Variants in ALG12 observed in about 807,000 individuals in gnomAD.
ALG12 encodes ALG12 alpha-1,6-mannosyltransferase, also known as dol-P-Man:Man(7)GlcNAc(2)-PP-Dol alpha-1,6-mannosyltransferase.
ALG12 carries 36 observed loss-of-function variants against 46.0 expected under a neutral mutation model. That is an observed-to-expected ratio of 0.78 (90% confidence interval 0.60 to 1.03). ALG12 has a LOEUF of 1.03. Among genes scored for constraint, ALG12 ranks in the 50% least tolerant of loss-of-function variants. ALG12 has a pLI of 0.00. For missense variants in ALG12, 599 were observed against 633.5 expected (o/e 0.95, Z 0.58); for synonymous variants, 326 against 291.6 (o/e 1.12, Z -1.20).
At chr22:49,881,153 C>A in the ALG12 span, among the ~76,000 whole-genome samples, 117 of 152,220 alleles carry the variant, frequency 7.7e-4, 1 homozygote, top group African/African-American at 2.7e-3. Flanking sequence ...CAAGACCAGC[C>A]TGGCCAACAT....
At chr22:49,897,869 C>T (rs1186950535), downstream of ALG12, among the ~76,000 whole-genome samples, 1 of 151,688 alleles carries the variant, frequency 6.6e-6, no homozygotes, top group Admixed American at 6.6e-5. Context: ...CCATGTTAGC[C>T]AGGATGGTCT....
chr22:49,885,169 C>T, the ALG12 span: 16 of 1,613,918 alleles, frequency 9.9e-6, no homozygotes, highest in South Asian at 2.2e-5. Context: ...ACATCTCTAC[C>T]GGCGCCATCC....
rs1349614150 is a variant in ALG12 at position 49,902,358 on chromosome 22, A to G, written c.*1480T>C. The G allele has an allele frequency of 9.1e-6, 1 of 110,134 alleles. No individual in the cohort carries two copies. Among genetic ancestry groups the G allele is most frequent in the Non-Finnish European group, 1.8e-5 (1 of 56,792 alleles). The allele number at this position is 110,134 out of a possible 1,614,324, so 6.8% of individuals were successfully genotyped here. Reference sequence around the variant, plus strand: ...TGTGCACTGTGTGTGGTGTGTATGCATGGTGTGTGCACGTGTGCACGGTGT... The same window carrying G: ...TGTGCACTGTGTGTGGTGTGTATGCGTGGTGTGTGCACGTGTGCACGGTGT... On this transcript the variant is annotated 3_prime_UTR_variant, in exon 10 of 10. Coordinates refer to ENST00000330817, the MANE Select transcript of ALG12 (RefSeq NM_024105.4).
chr22:49,885,557 G>T, the ALG12 span: 4 of 1,604,686 alleles, frequency 2.5e-6, no homozygotes, highest in Admixed American at 3.4e-5. Flanking sequence ...GTGCCGCGGG[G>T]CACAGAATTA....
chr22:49,899,935 G>A (rs771934118), downstream of ALG12, among the ~76,000 whole-genome samples: 2 of 152,158 alleles, frequency 1.3e-5, no homozygotes, highest in Non-Finnish European at 2.9e-5. Context: ...AAGGCAGGAG[G>A]ATTGCTTGAA....
rs1569174643 is a variant in ALG12, at chr22:49,907,707, A to G, written c.992+14T>C. ...TGAAACTATAAAAATGCATGTCACA[A>G]AAAGAGCACTCACAGGTAGGAGCAG... On this transcript the variant is annotated intron_variant, in intron 7 of 9. Transcript: ENST00000330817. 3 of 1,612,546 alleles carry G rather than the reference A, an allele frequency of 1.9e-6. No individual in the cohort carries two copies. The highest frequency in any genetic ancestry group is 2.5e-6 in the Non-Finnish European group (3 of 1,178,952).
At chr22:49,861,142 C>T in the ALG12 span, among the ~76,000 whole-genome samples, 1 of 152,182 alleles carries the variant, frequency 6.6e-6, no homozygotes, top group African/African-American at 2.4e-5. Context: ...AACTCATTTC[C>T]CCTCCTGTCT....
the ALG12 span, among the ~76,000 whole-genome samples, chr22:49,892,732 A>C: frequency 2.6e-4 from 39 of 152,354 alleles, no homozygotes; most frequent in African/African-American, 9.1e-4. Context: ...CCTTGATTGC[A>C]TCAGGGCGAT....
the ALG12 span, among the ~76,000 whole-genome samples, chr22:49,880,599 T>C: frequency 6.6e-6 from 1 of 152,246 alleles, no homozygotes; most frequent in South Asian, 2.1e-4. Context: ...GGCGTCTGGC[T>C]TATGAGTTGT....
chr22:49,871,806 G>C, the ALG12 span, among the ~76,000 whole-genome samples: 2 of 150,946 alleles, frequency 1.3e-5, 1 homozygote, highest in South Asian at 4.2e-4. Context: ...CCAGGGTGGA[G>C]TGCAGTGGTG....
At chr22:49,886,054 T>C in the ALG12 span, 1 of 679,244 alleles carries the variant, frequency 1.5e-6, no homozygotes, top group Non-Finnish European at 2.7e-6. The surrounding 1 kb of genome is among the most constrained non-coding windows in gnomAD (Gnocchi z 7.7). Flanking sequence ...GTGGGTGACC[T>C]CCACCGGCCT....
rs1445836306 is a variant in ALG12, at chr22:49,900,801, T to C, written c.*3037A>G. ...GTGCTGTTTCAGATCTGTACACACA[T>C]ATTACATATGTACGTGTGCAACTGC... is the stretch of plus-strand genomic sequence containing the variant. On this transcript the variant is annotated 3_prime_UTR_variant, in exon 10 of 10. Coordinates refer to ENST00000330817, the MANE Select transcript of ALG12 (RefSeq NM_024105.4). 1.3e-5 allele frequency: 2 copies of C among 152,236 alleles called. No homozygotes were observed. The highest frequency in any genetic ancestry group is 4.8e-5 in the African/African-American group (2 of 41,438). 9.4% of individuals were successfully genotyped at this position (152,236 alleles called of 1,614,324 possible).
At chr22:49,886,677 C>T in the ALG12 span, 2 of 1,612,062 alleles carry the variant, frequency 1.2e-6, no homozygotes, top group Non-Finnish European at 1.7e-6. The surrounding 1 kb of genome is among the most constrained non-coding windows in gnomAD (Gnocchi z 7.7). Context: ...ACGTCTTCGC[C>T]ACGCTGCTGG....
Position 49,906,527 on chromosome 22 carries a change from T to C in ALG12, c.992+1194A>G, listed in dbSNP as rs1333129744. ...GAGGAGCTCCCAGGCCCGAGGGCAG[T>C]GCGGGGCAGTCGGAGCTGGGGGGCA... On this transcript the variant is annotated intron_variant, in intron 7 of 9. Transcript: ENST00000330817. The surrounding 1 kb of genome is among the most constrained non-coding windows in gnomAD (Gnocchi z 4.4). Among the ~76,000 whole-genome samples the C allele has an allele frequency of 2.0e-5, 3 of 152,024 alleles. No homozygotes were observed. The highest frequency in any genetic ancestry group is 6.5e-5 in the Admixed American group (1 of 15,280).
At chr22:49,894,539 C>T in the ALG12 span, among the ~76,000 whole-genome samples, 2 of 152,204 alleles carry the variant, frequency 1.3e-5, no homozygotes, top group East Asian at 1.9e-4. Context: ...TCTGACAGCA[C>T]GGCCTCAGGC....
the ALG12 span, among the ~76,000 whole-genome samples, chr22:49,862,693 CTTTTT>C: frequency 1.7e-5 from 1 of 58,988 alleles, no homozygotes; most frequent in Non-Finnish European, 3.3e-5. Context: ...TAAGTTTTTC[CTTTTT>C]TTTTTTTTTT....
intron 3 of ALG12, among the ~76,000 whole-genome samples, chr22:49,912,105 C>CGGCCCCGGGATCAGCCT (rs2060581505): frequency 2.1e-5 from 3 of 145,922 alleles, no homozygotes; most frequent in Non-Finnish European, 4.5e-5. Flanking sequence ...GGATCACCCT[C>CGGCCCCGGGATCAGCCT]GGCCCCGGGA....
the ALG12 span, among the ~76,000 whole-genome samples, chr22:49,862,186 C>A: frequency 6.6e-6 from 1 of 152,224 alleles, no homozygotes; most frequent in Non-Finnish European, 1.5e-5. Context: ...GTTAGTAAGT[C>A]CCCGAGGGCG....
In ALG12 at chr22:49,903,780, C is replaced by T; in HGVS notation, c.*58G>A. ...AATTGTGCTGGAATTGTGCCAGAAA[C>T]TGGTAGTGATAACAGCTCCTGGAAG... is the stretch of plus-strand genomic sequence containing the variant. On this transcript the variant is annotated 3_prime_UTR_variant, in exon 10 of 10. Transcript: ENST00000330817. 6.4e-7 allele frequency: 1 copy of T among 1,561,426 alleles called. No homozygotes were observed. Among genetic ancestry groups the T allele is most frequent in the Non-Finnish European group, 8.8e-7 (1 of 1,132,704 alleles).
Sources: allele counts gnomAD v4.1 joint callset (sites outside exome capture counted in the v4.1 genomes callset), GRCh38; gene constraint gnomAD v4.1.1; non-coding constraint Gnocchi (gnomAD v3.1); transcripts MANE v1.5; gene names NCBI Gene and HGNC (gene_info 2026-07-23, HGNC 2026-07-21).